Variants in EIF4G3 observed in about 807,000 individuals in gnomAD.
EIF4G3 encodes the protein eukaryotic translation initiation factor 4 gamma 3, also known as eIF-4-gamma 3.
Under a neutral mutation model 186.4 loss-of-function variants are expected in EIF4G3, and 34 were observed. The ratio of observed to expected loss-of-function variants is 0.18; its 90% CI spans 0.14 to 0.24. The LOEUF (loss-of-function observed/expected upper bound fraction) is 0.24, where lower values mean the gene tolerates loss of function less well. Ranked by LOEUF, EIF4G3 falls within the 10% of genes least tolerant of loss-of-function variation. The pLI is 1.00. For synonymous variants in EIF4G3, 673 were observed against 679.5 expected, an observed-to-expected ratio of 0.99 and a Z score of 0.15; for missense variants, 1,536 against 1,948.5, an observed-to-expected ratio of 0.79 and a Z score of 3.99.
At chr1:21,089,260 ATAGT>A (rs2096097175) in intron 2 of EIF4G3, 47 bp from the exon 3 acceptor site, 1 of 709,380 alleles carries the variant, frequency 1.4e-6, no homozygotes, top group Non-Finnish European at 2.6e-6. Flanking sequence ...TGGATGCTTA[ATAGT>A]TAGAGAAAAT....
At chr1:21,077,847 TC>T (rs1197480161) in intron 3 of EIF4G3, among the ~76,000 whole-genome samples, 2 of 137,496 alleles carry the variant, frequency 1.5e-5, no homozygotes. Context: ...ATCATTGCAC[TC>T]CAGCCAGGGC....
chr1:21,162,655 G>A (rs2097786236), intron 2 of EIF4G3, among the ~76,000 whole-genome samples: 1 of 152,088 alleles, frequency 6.6e-6, no homozygotes, highest in South Asian at 2.1e-4. Context: ...AGGAAGGACA[G>A]GAGAATTGCT....
At position 21,002,245 on chromosome 1, in the gene EIF4G3, T is replaced by C. The variant is rs147041880; in HGVS notation, c.30+468A>G. 8.4e-4 allele frequency among the ~76,000 whole-genome samples: 128 copies of C among 152,340 alleles called. 1 individual carries two copies. Among genetic ancestry groups the C allele is most frequent in the African/African-American group, 3.0e-3 (125 of 41,578 alleles). On this transcript the variant is annotated intron_variant, in intron 5 of 36. Coordinates refer to ENST00000602326, the MANE Select transcript of EIF4G3 (RefSeq NM_001391906.1). ...CACTCACTGGTATATGTCATGCATA[T>C]ACCCACACTGTTAAATGGTTAGAAC...
chr1:20,872,111 C>A (rs550323541), intron 20 of EIF4G3, among the ~76,000 whole-genome samples: 5 of 151,358 alleles, frequency 3.3e-5, no homozygotes, highest in African/African-American at 1.2e-4. Flanking sequence ...AAAAAAAAAT[C>A]TGTGTGTGTG....
intron 12 of EIF4G3, among the ~76,000 whole-genome samples, chr1:20,965,486 C>T (rs1490557603): frequency 6.6e-6 from 1 of 152,106 alleles, no homozygotes; most frequent in African/African-American, 2.4e-5. Flanking sequence ...ATTATATGGT[C>T]ATCCTTTTTA....
At chr1:20,816,608 G>A (rs1438871347) in intron 34 of EIF4G3, among the ~76,000 whole-genome samples, 1 of 91,306 alleles carries the variant, frequency 1.1e-5, no homozygotes, top group African/African-American at 4.1e-5. Context: ...CGCCCTGTCC[G>A]GGAGGGTGGT....
chr1:20,959,167 C>T (rs1183993116), intron 12 of EIF4G3, among the ~76,000 whole-genome samples: 2 of 151,968 alleles, frequency 1.3e-5, no homozygotes, highest in African/African-American at 2.4e-5. Context: ...AACAAAACAG[C>T]GTAGTACTGG....
chr1:20,854,538 T>TA (rs36090897), intron 26 of EIF4G3, among the ~76,000 whole-genome samples: 45,547 of 132,288 alleles, frequency 0.34, 8,438 homozygotes, highest in Non-Finnish European at 0.44. Flanking sequence ...TACAAAAAAT[T>TA]AAAAAAAAAA....
At chr1:20,926,515 C>T (rs2154560574) in intron 14 of EIF4G3, among the ~76,000 whole-genome samples, 1 of 152,116 alleles carries the variant, frequency 6.6e-6, no homozygotes, top group East Asian at 1.9e-4. Flanking sequence ...TCTATCTCTA[C>T]AAAAAGTTAG....
chr1:20,879,949 A>C (rs1026694823), intron 19 of EIF4G3, among the ~76,000 whole-genome samples: 1 of 152,088 alleles, frequency 6.6e-6, no homozygotes, highest in Non-Finnish European at 1.5e-5. Flanking sequence ...AAATTTGTCT[A>C]AATTATGGTA....
In EIF4G3 at chr1:20,825,157, G is replaced by T; in HGVS notation, c.4311C>A (p.Leu1437=). Reference sequence around the variant, plus strand: ...CTTCTGGTAAAAAGTCCTTCCAGCTGAGGTCAGCCTCCCTCCATAAGGCTC... The same window carrying T: ...CTTCTGGTAAAAAGTCCTTCCAGCTTAGGTCAGCCTCCCTCCATAAGGCTC... ...KVGALWREAD[L]SWKDFLPEGE... Residue 1437 remains leucine (L), a synonymous_variant, in exon 33 of 37, where the codon CTC becomes CTA. Transcript: ENST00000602326. The T allele has an allele frequency of 1.2e-6, 2 of 1,612,470 alleles. No individual in the cohort carries two copies. The highest frequency in any genetic ancestry group is 1.7e-6 in the Non-Finnish European group (2 of 1,179,558).
intron 2 of EIF4G3, among the ~76,000 whole-genome samples, chr1:21,109,984 C>T (rs1451129533): frequency 6.6e-6 from 1 of 152,032 alleles, no homozygotes; most frequent in Non-Finnish European, 1.5e-5. Flanking sequence ...GGAAACGTTT[C>T]GCTATGTTGA....
At chr1:20,999,430 C>A in intron 6 of EIF4G3, 1 of 315,462 alleles carries the variant, frequency 3.2e-6, no homozygotes, top group South Asian at 2.7e-5. Context: ...TTCTTTATGA[C>A]ACTTTTGAAG....
intron 3 of EIF4G3, among the ~76,000 whole-genome samples, chr1:21,059,331 A>G (rs180784926): frequency 1.4e-4 from 21 of 152,342 alleles, no homozygotes; most frequent in East Asian, 1.2e-3. Context: ...AGCAGAATAG[A>G]TAAGTCAAGT....
At position 20,942,314 on chromosome 1, in the gene EIF4G3, T is replaced by C. The variant is rs1297433417; in HGVS notation, c.840A>G (p.Pro280=). Reference sequence around the variant, plus strand: ...GGGAAGGAGACTTTAACACTGGATCTGGTTTTGGCTTCTCCTCTGGGGAAA... The same window carrying C: ...GGGAAGGAGACTTTAACACTGGATCCGGTTTTGGCTTCTCCTCTGGGGAAA... The part of the protein sequence containing the change: ...SDQKQEEKPK[P]DPVLKSPSPV... Residue 280 remains proline, a synonymous_variant, in exon 14 of 37, where the codon CCA becomes CCG. Transcript: ENST00000602326. The C allele has an allele frequency of 1.3e-6, 2 of 1,574,044 alleles. No homozygotes were observed.
chr1:21,006,340 T>A (rs986532216), intron 4 of EIF4G3, among the ~76,000 whole-genome samples: 3 of 152,320 alleles, frequency 2.0e-5, no homozygotes, highest in Non-Finnish European at 4.4e-5. Flanking sequence ...TAGGGACAGA[T>A]CAATGAAGGA....
intron 19 of EIF4G3, among the ~76,000 whole-genome samples, chr1:20,880,996 C>T (rs1173737841): frequency 6.6e-6 from 1 of 152,022 alleles, no homozygotes; most frequent in African/African-American, 2.4e-5. Context: ...TGAACACACA[C>T]ACACAAATAC....
chr1:20,931,350 G>T (rs746123355), intron 14 of EIF4G3, among the ~76,000 whole-genome samples: 1 of 152,160 alleles, frequency 6.6e-6, no homozygotes, highest in African/African-American at 2.4e-5. Context: ...ATTTTGAAAG[G>T]AATCTTGCTA....
rs568655177 is a variant in EIF4G3, at chr1:20,879,889, C to T, written c.2425-369G>A. Among the ~76,000 whole-genome samples, 5 of 152,110 alleles carry T rather than the reference C, an allele frequency of 3.3e-5. No homozygotes were observed. The South Asian group carries it at 1.0e-3, about 32-fold the overall frequency. ...TTATATTTAGAGATACGTAAAAATA[C>T]TTTAGCCACATAACTCATTACAGAA... On this transcript the variant is annotated intron_variant, in intron 19 of 36. Transcript: ENST00000602326.
Sources: allele counts gnomAD v4.1 joint callset (sites outside exome capture counted in the v4.1 genomes callset), GRCh38; gene constraint gnomAD v4.1.1; transcripts MANE v1.5; gene names NCBI Gene and HGNC (gene_info 2026-07-23, HGNC 2026-07-21).